PCDHA3: variants seen among roughly 807,000 people sequenced by gnomAD.
The protein encoded by PCDHA3 is protocadherin alpha 3.
A neutral mutation model predicts 62.2 loss-of-function variants in PCDHA3; 41 were observed. The ratio of observed to expected loss-of-function variants is 0.66; its 90% CI spans 0.51 to 0.86. PCDHA3 has a LOEUF of 0.86. Ranked by LOEUF, PCDHA3 falls within the 40% of genes least tolerant of loss-of-function variation. The probability of loss-of-function intolerance (pLI) is 0.00; values close to 1 mark genes in which losing one functional copy is unlikely to be tolerated. For synonymous variants in PCDHA3, 640 were observed against 555.4 expected, an observed-to-expected ratio of 1.15 and a Z score of -2.14; for missense variants, 1,304 against 1,241.2, an observed-to-expected ratio of 1.05 and a Z score of -0.76.
chr5:140,907,111 C>T (rs1465808747), intron 1 of PCDHA3, among the ~76,000 whole-genome samples: 1 of 152,130 alleles, frequency 6.6e-6, no homozygotes, highest in African/African-American at 2.4e-5. Flanking sequence ...ACTTCCACCC[C>T]TTGATTCCTG....
chr5:140,944,838 A>C (rs996510272), intron 1 of PCDHA3, among the ~76,000 whole-genome samples: 13 of 152,212 alleles, frequency 8.5e-5, no homozygotes, highest in Non-Finnish European at 1.6e-4. Flanking sequence ...TTGTAAAATG[A>C]GATATTAGAA....
At position 141,010,636 on chromosome 5, in the gene PCDHA3, A is replaced by G; in HGVS notation, c.*699A>G. On this transcript the variant is annotated 3_prime_UTR_variant, in exon 4 of 4. Coordinates refer to ENST00000522353, the MANE Select transcript of PCDHA3 (RefSeq NM_018906.3). ...AAAATCTGCATCATACCTGCAAGCC[A>G]ACAGTTCAGTGTTTTAACAGAGAAC... is the stretch of plus-strand genomic sequence containing the variant. 1 of 183,300 alleles carries G rather than the reference A, an allele frequency of 5.5e-6. No individual in the cohort carries two copies. The highest frequency in any genetic ancestry group is 1.2e-5 in the Non-Finnish European group (1 of 86,478). 11.4% of individuals were successfully genotyped at this position (183,300 alleles called of 1,614,324 possible). A position where few individuals can be genotyped will look rare whatever the true frequency, so the allele number is the denominator to read the frequency against.
intron 1 of PCDHA3, among the ~76,000 whole-genome samples, chr5:140,896,282 A>G (rs1326876303): frequency 2.0e-5 from 3 of 152,224 alleles, no homozygotes; most frequent in Non-Finnish European, 4.4e-5. Context: ...GCTGGCTTGA[A>G]TGGTAAGTTC....
rs782554104 is a variant in PCDHA3, at chr5:140,809,508, C to T, written c.2394+5917C>T. The T allele has an allele frequency of 3.7e-6, 6 of 1,614,204 alleles. No individual in the cohort carries two copies. The East Asian group carries it at 1.1e-4, about 30-fold the overall frequency. Reference sequence around the variant, plus strand: ...AAGACCGACCTCATGGCCTTCAGCCCCAGTTTACCTGACTCTAGGGACAGA... The same window carrying T: ...AAGACCGACCTCATGGCCTTCAGCCTCAGTTTACCTGACTCTAGGGACAGA... On this transcript the variant is annotated intron_variant, in intron 1 of 3. Coordinates refer to ENST00000522353, the MANE Select transcript of PCDHA3 (RefSeq NM_018906.3).
intron 1 of PCDHA3, chr5:140,809,361 C>T (rs782686583): frequency 6.2e-7 from 1 of 1,613,904 alleles, no homozygotes; most frequent in East Asian, 2.2e-5. Flanking sequence ...CGGTGCTCTG[C>T]GCTGCCCACC....
chr5:140,852,838 C>T lies in PCDHA3; in HGVS notation c.2394+49247C>T, dbSNP rs2042489635. 6 of 968,840 alleles carry T rather than the reference C, an allele frequency of 6.2e-6. 1 individual carries two copies. The Admixed American group carries it at 2.5e-4, about 41-fold the overall frequency. The allele number at this position is 968,840 out of a possible 1,614,324, so 60.0% of individuals were successfully genotyped here. A position where few individuals can be genotyped will look rare whatever the true frequency, so the allele number is the denominator to read the frequency against. Reference sequence around the variant, plus strand: ...CCTAAGTCCTCCAGTCTCCTTAGAGCTAGTACTTACTAAGCATTTACTATG... The same window carrying T: ...CCTAAGTCCTCCAGTCTCCTTAGAGTTAGTACTTACTAAGCATTTACTATG... On this transcript the variant is annotated intron_variant, in intron 1 of 3. Coordinates refer to ENST00000522353, the MANE Select transcript of PCDHA3 (RefSeq NM_018906.3).
At chr5:140,876,209 G>A in intron 1 of PCDHA3, 1 of 1,613,924 alleles carries the variant, frequency 6.2e-7, no homozygotes. Flanking sequence ...GATAAGCCCA[G>A]CTATAAAGTA....
chr5:140,812,845 A>G (rs1382314679), intron 1 of PCDHA3: 2 of 152,134 alleles, frequency 1.3e-5, no homozygotes, highest in South Asian at 2.1e-4. Flanking sequence ...ATCTTAACAT[A>G]TTTTCTAATT....
intron 3 of PCDHA3, among the ~76,000 whole-genome samples, chr5:141,000,216 T>C (rs665221): frequency 1.3e-5 from 2 of 151,640 alleles, no homozygotes; most frequent in East Asian, 1.9e-4. Flanking sequence ...CATTATCAAA[T>C]GCCTGTGTGG....
rs148631412 is a variant in PCDHA3, at chr5:140,929,183, C to T, written c.2395-49766C>T. On this transcript the variant is annotated intron_variant, in intron 1 of 3. Transcript: ENST00000522353. ...TATCGGGCCTCTCTGGGACTTGGTT[C>T]TGATAATAACAGTTTGCTGTTGCGT... is the stretch of plus-strand genomic sequence containing the variant. 62 of 1,614,144 alleles carry T rather than the reference C, an allele frequency of 3.8e-5. No individual in the cohort carries two copies. The highest frequency in any genetic ancestry group is 4.8e-5 in the Non-Finnish European group (57 of 1,180,012).
At position 140,878,341 on chromosome 5, in the gene PCDHA3, A is replaced by G. The variant is rs980108622; in HGVS notation, c.2394+74750A>G. Reference sequence around the variant, plus strand: ...TTCACATTATATTCCAGGTATTATCACAATAATATAAATGATATGTCTGAC... The same window carrying G: ...TTCACATTATATTCCAGGTATTATCGCAATAATATAAATGATATGTCTGAC... On this transcript the variant is annotated intron_variant, in intron 1 of 3. Coordinates refer to ENST00000522353, the MANE Select transcript of PCDHA3 (RefSeq NM_018906.3). Among the ~76,000 whole-genome samples the G allele has an allele frequency of 2.0e-5, 3 of 152,350 alleles. No homozygotes were observed. In the East Asian group the frequency reaches 5.8e-4, roughly 29 times the overall value.
At position 140,848,466 on chromosome 5, in the gene PCDHA3, C is replaced by T. The variant is rs2150410896; in HGVS notation, c.2394+44875C>T. 2.6e-6 allele frequency: 4 copies of T among 1,545,340 alleles called. No homozygotes were observed. In the South Asian group the frequency reaches 3.6e-5, roughly 14 times the overall value. ...TTTCTTCTAATTTGGAGGCAATTTTCACTAATTAGAAGAAGACTGAGTATT... is the reference window on the plus strand; with the variant it reads ...TTTCTTCTAATTTGGAGGCAATTTTTACTAATTAGAAGAAGACTGAGTATT... On this transcript the variant is annotated intron_variant, in intron 1 of 3. Transcript: ENST00000522353.
chr5:140,901,767 T>C (rs1341707404), intron 1 of PCDHA3, among the ~76,000 whole-genome samples: 5 of 152,252 alleles, frequency 3.3e-5, no homozygotes, highest in African/African-American at 1.2e-4. Flanking sequence ...AGGGATTGCA[T>C]TGAATTTGTA....
At chr5:140,992,761 A>G (rs1400429465) in intron 3 of PCDHA3, among the ~76,000 whole-genome samples, 1 of 152,180 alleles carries the variant, frequency 6.6e-6, no homozygotes, top group African/African-American at 2.4e-5. Flanking sequence ...TGTTGGGGAT[A>G]GGAGGGTGGG....
At chr5:140,835,478 A>G (rs2150236474) in intron 1 of PCDHA3, 1 of 1,613,898 alleles carries the variant, frequency 6.2e-7, no homozygotes. Context: ...ACGCCCAACC[A>G]GGTACCGTCA....
At position 140,801,278 on chromosome 5, in the gene PCDHA3, G is replaced by A; in HGVS notation, c.81G>A (p.Gly27=). Reference sequence around the variant, plus strand: ...TGCTCCTCGCAGCCTCGGAGGTGGGGAGCGGCCAGCTCCACTACTCCGTCT... The same window carrying A: ...TGCTCCTCGCAGCCTCGGAGGTGGGAAGCGGCCAGCTCCACTACTCCGTCT... ...SLLLLAASEV[G]SGQLHYSVSE... The change falls in exon 1 of 4, where the codon GGG becomes GGA. Residue 27 remains glycine (G), a synonymous_variant. Transcript: ENST00000522353. 6.2e-7 allele frequency: 1 copy of A among 1,613,596 alleles called. No individual in the cohort carries two copies. The highest frequency in any genetic ancestry group is 8.5e-7 in the Non-Finnish European group (1 of 1,179,896).
intron 1 of PCDHA3, chr5:140,868,005 T>C (rs1405523098): frequency 6.6e-6 from 1 of 152,108 alleles, no homozygotes; most frequent in East Asian, 1.9e-4. Flanking sequence ...TATAACTGAA[T>C]TAGATTAAGG....
chr5:140,841,885 G>C (rs2150324724), intron 1 of PCDHA3: 2 of 1,613,802 alleles, frequency 1.2e-6, no homozygotes, highest in Non-Finnish European at 1.7e-6. Context: ...AGAACGATGA[G>C]AATAAACTGG....
intron 3 of PCDHA3, among the ~76,000 whole-genome samples, chr5:140,987,258 G>A (rs1292743876): frequency 6.6e-6 from 1 of 151,918 alleles, no homozygotes; most frequent in Non-Finnish European, 1.5e-5. Context: ...ACATTCTCAG[G>A]AATGGGACCC....
Sources: gnomAD v4.1 joint callset for allele counts (sites outside exome capture counted in the v4.1 genomes callset) on GRCh38, gnomAD v4.1.1 for gene constraint, MANE v1.5 for transcripts, NCBI Gene and HGNC (gene_info 2026-07-23, HGNC 2026-07-21) for gene names.